Variants in RPH3A observed in about 807,000 individuals in gnomAD.
RPH3A encodes the protein rabphilin 3A.
A neutral mutation model predicts 102.2 loss-of-function variants in RPH3A; 48 were observed. That is an observed-to-expected ratio of 0.47 (90% CI 0.37 to 0.60). The LOEUF (loss-of-function observed/expected upper bound fraction) is 0.60. RPH3A is among the 20% of genes least tolerant of loss of function. RPH3A has a pLI of 0.00. For synonymous variants in RPH3A, 310 were observed against 324.3 expected (o/e 0.96, Z 0.47); for missense variants, 781 against 910.1 (o/e 0.86, Z 1.83).
chr12:112,614,992 A>G (rs2039667790), intron 1 of RPH3A, among the ~76,000 whole-genome samples: 1 of 152,074 alleles, frequency 6.6e-6, no homozygotes, highest in Admixed American at 6.6e-5. Flanking sequence ...ACCATGAAAG[A>G]ACCCCAAAAC....
At chr12:112,712,195 G>A (rs2136035704) in intron 1 of RPH3A, among the ~76,000 whole-genome samples, 1 of 152,232 alleles carries the variant, frequency 6.6e-6, no homozygotes, top group South Asian at 2.1e-4. Context: ...TTTAATTGGA[G>A]TTAAAGAAAA....
intron 5 of RPH3A, among the ~76,000 whole-genome samples, chr12:112,860,345 G>T (rs1282721222): frequency 6.6e-6 from 1 of 152,180 alleles, no homozygotes; most frequent in Non-Finnish European, 1.5e-5. Context: ...GGGTCCCTGA[G>T]CTGAGACATC....
chr12:112,867,271 G>A (rs551778707), intron 7 of RPH3A, among the ~76,000 whole-genome samples: 13 of 150,474 alleles, frequency 8.6e-5, no homozygotes, highest in South Asian at 4.2e-4. Flanking sequence ...CCCTTTTCTC[G>A]GCGATTTCTC....
intron 13 of RPH3A, among the ~76,000 whole-genome samples, chr12:112,878,146 AAGGAG>A (rs1240664295): frequency 1.3e-5 from 2 of 152,138 alleles, no homozygotes; most frequent in Admixed American, 1.3e-4. Context: ...TCTCAGGAGA[AAGGAG>A]AGGAGTCCAC....
chr12:112,597,518 G>A (rs944447849), intron 1 of RPH3A, among the ~76,000 whole-genome samples: 3 of 152,168 alleles, frequency 2.0e-5, no homozygotes, highest in South Asian at 4.1e-4. Flanking sequence ...GATCACCTGC[G>A]TCTGGGAGGT....
At position 112,869,911 on chromosome 12, in the gene RPH3A, C is replaced by T; in HGVS notation, c.668C>T (p.Ala223Val). 1 of 1,614,092 alleles carries T rather than the reference C, an allele frequency of 6.2e-7. No homozygotes were observed. The highest frequency in any genetic ancestry group is 8.5e-7 in the Non-Finnish European group (1 of 1,179,986). ...GQKTGPDPAS[A>V]PGRGNYGPPV... is the part of the protein sequence containing the mutation. ...TTTCCAGGCCCTGACCCAGCCTCTGCTCCCGGGCGAGGAAACTATGGGCCT... is the reference window on the plus strand; with the variant it reads ...TTTCCAGGCCCTGACCCAGCCTCTGTTCCCGGGCGAGGAAACTATGGGCCT... Residue 223 changes from alanine (A) to valine (V), a missense_variant, in exon 10 of 22, where the codon GCT (alanine) becomes GTT (valine). Coordinates refer to ENST00000389385, the MANE Select transcript of RPH3A (RefSeq NM_001143854.2).
At chr12:112,762,589 A>G (rs1254672034) in intron 1 of RPH3A, among the ~76,000 whole-genome samples, 1 of 152,190 alleles carries the variant, frequency 6.6e-6, no homozygotes, top group Non-Finnish European at 1.5e-5. Flanking sequence ...AAAAATGTCT[A>G]TTTGTTCAAA....
intron 1 of RPH3A, among the ~76,000 whole-genome samples, chr12:112,659,088 A>G (rs980255984): frequency 6.6e-6 from 1 of 152,194 alleles, no homozygotes; most frequent in African/African-American, 2.4e-5. Context: ...TTCCCACTGA[A>G]TCACTTGAGA....
chr12:112,690,217 A>G (rs1268493014), intron 1 of RPH3A, among the ~76,000 whole-genome samples: 1 of 152,238 alleles, frequency 6.6e-6, no homozygotes, highest in Non-Finnish European at 1.5e-5. Flanking sequence ...CCAAGAAGAA[A>G]TCATTTAAAA....
At chr12:112,798,025 T>C (rs2136098246) in intron 2 of RPH3A, among the ~76,000 whole-genome samples, 1 of 152,228 alleles carries the variant, frequency 6.6e-6, no homozygotes, top group East Asian at 1.9e-4. Context: ...TGCTCCCCAT[T>C]TGGGCCAGGA....
intron 10 of RPH3A, chr12:112,874,843 G>A: frequency 2.0e-6 from 1 of 499,124 alleles, no homozygotes. Context: ...ACAGGTGGAA[G>A]GAGGATTGTA....
At chr12:112,780,323 G>A (rs551794998) in intron 1 of RPH3A, among the ~76,000 whole-genome samples, 3 of 152,234 alleles carry the variant, frequency 2.0e-5, no homozygotes, top group African/African-American at 7.2e-5. Flanking sequence ...TACCCCATGG[G>A]TAATTTTTCA....
rs2043205168 is a variant in RPH3A, at chr12:112,897,666, C to T, written c.*886C>T. ...TAACCTAGCCTCACCCCCTTGCTCTCACCAGCCTGACCAGGAAACTGAGAA... is the reference window on the plus strand; with the variant it reads ...TAACCTAGCCTCACCCCCTTGCTCTTACCAGCCTGACCAGGAAACTGAGAA... On this transcript the variant is annotated 3_prime_UTR_variant, in exon 22 of 22. Coordinates refer to ENST00000389385, the MANE Select transcript of RPH3A (RefSeq NM_001143854.2). The T allele has an allele frequency of 6.6e-6, 1 of 152,482 alleles. No individual in the cohort carries two copies. The allele number at this position is 152,482 out of a possible 1,614,324, so 9.4% of individuals were successfully genotyped here. A position where few individuals can be genotyped will look rare whatever the true frequency, so the allele number is the denominator to read the frequency against.
chr12:112,752,262 A>G lies in RPH3A; in HGVS notation c.-139-39881A>G, dbSNP rs191121674. ...AAGATTCGTTTTCACTATTTCCCAC[A>G]AATGGTATGGCTCATAGAAAGGATT... On this transcript the variant is annotated intron_variant, in intron 1 of 21. Transcript: ENST00000543106. 1.1e-3 allele frequency among the ~76,000 whole-genome samples: 163 copies of G among 152,286 alleles called. 1 individual carries two copies. Among genetic ancestry groups the G allele is most frequent in the African/African-American group, 3.7e-3 (154 of 41,560 alleles).
chr12:112,734,485 C>A lies in RPH3A; in HGVS notation c.-139-57658C>A, dbSNP rs369869810. Among the ~76,000 whole-genome samples the A allele has an allele frequency of 2.6e-5, 4 of 152,166 alleles. No individual in the cohort carries two copies. The East Asian group carries it at 5.8e-4, about 22-fold the overall frequency. ...AGTGTTACCAGAAAGGGGTCCTAAT[C>A]CAGACCCCAAGAGAGGGTTCTTGGA... On this transcript the variant is annotated intron_variant, in intron 1 of 21. Transcript: ENST00000543106.
At chr12:112,800,125 G>C (rs559271320) in intron 2 of RPH3A, among the ~76,000 whole-genome samples, 2 of 152,284 alleles carry the variant, frequency 1.3e-5, no homozygotes, top group Admixed American at 6.5e-5. Flanking sequence ...ACTCCAGACC[G>C]CGTGAAGTGC....
intron 10 of RPH3A, among the ~76,000 whole-genome samples, chr12:112,872,947 ATCAC>A (rs1168430185): frequency 6.6e-6 from 1 of 152,206 alleles, no homozygotes; most frequent in Non-Finnish European, 1.5e-5. Flanking sequence ...TGCAGGACTT[ATCAC>A]TGTCTAAAGC....
chr12:112,747,872 C>A (rs138552330), intron 1 of RPH3A, among the ~76,000 whole-genome samples: 1 of 152,168 alleles, frequency 6.6e-6, no homozygotes, highest in Non-Finnish European at 1.5e-5. Flanking sequence ...GACCCATTAG[C>A]GTGGACTGAC....
At chr12:112,682,583 T>C (rs7134507) in intron 1 of RPH3A, among the ~76,000 whole-genome samples, 5,437 of 152,218 alleles carry the variant, frequency 0.036, 338 homozygotes, top group African/African-American at 0.12. Flanking sequence ...TCTTTCTTTC[T>C]TGGGGGGGAT....
Sources: gnomAD v4.1 joint callset for allele counts (sites outside exome capture counted in the v4.1 genomes callset) on GRCh38, gnomAD v4.1.1 for gene constraint, MANE v1.5 for transcripts, NCBI Gene and HGNC (gene_info 2026-07-23, HGNC 2026-07-21) for gene names.